Variants in ATAD2 observed in about 807,000 individuals in gnomAD.
ATAD2 encodes ATPase family AAA domain-containing protein 2.
Under a neutral mutation model 168.9 loss-of-function variants are expected in ATAD2, and 62 were observed. The observed-to-expected ratio is 0.37, with a 90% CI of 0.30 to 0.45. ATAD2 has a LOEUF of 0.45. ATAD2 is among the 20% of genes least tolerant of loss of function. The pLI is 1.00. For synonymous variants in ATAD2, 613 were observed against 571.6 expected (o/e 1.07, Z -1.03); for missense variants, 1,419 against 1,667.8 (o/e 0.85, Z 2.60).
rs187259919 is a variant in ATAD2, at chr8:123,376,177, G to A, written c.321-3491C>T. Among the ~76,000 whole-genome samples the A allele has an allele frequency of 5.3e-5, 8 of 151,294 alleles. No individual in the cohort carries two copies. In the South Asian group the frequency reaches 6.3e-4, roughly 12 times the overall value. The stretch of plus-strand genomic sequence containing the variant: ...TCCCAACACTTTGGGAGGCCTAGAC[G>A]GGCAGATTGCCTGAGGTCAGGAGTT... On this transcript the variant is annotated intron_variant, in intron 2 of 27. Transcript: ENST00000287394.
At chr8:123,327,487 G>T (rs1586854535) in intron 25 of ATAD2, among the ~76,000 whole-genome samples, 1 of 151,688 alleles carries the variant, frequency 6.6e-6, no homozygotes, top group East Asian at 1.9e-4. Flanking sequence ...CTTGCAAAAG[G>T]CTTGCATTCA....
intron 8 of ATAD2, among the ~76,000 whole-genome samples, chr8:123,362,944 T>C (rs1332911331): frequency 6.6e-6 from 1 of 152,126 alleles, no homozygotes; most frequent in African/African-American, 2.4e-5. Context: ...TACTATCAAA[T>C]ACTTAGGCTG....
chr8:123,333,788 C>T, intron 24 of ATAD2, 90 bp downstream of exon 24: 1 of 1,363,748 alleles, frequency 7.3e-7, no homozygotes, highest in Non-Finnish European at 9.8e-7. Flanking sequence ...ACTGCATTAA[C>T]ACAAATAAAG....
At chr8:123,415,190 G>A (rs1285276239) in intron 1 of ATAD2, among the ~76,000 whole-genome samples, 1 of 152,084 alleles carries the variant, frequency 6.6e-6, no homozygotes, top group Non-Finnish European at 1.5e-5. Flanking sequence ...CAAAATTATT[G>A]GCTGATAATT....
rs80275261 is a variant in ATAD2 at position 123,336,316 on chromosome 8, C to G, written c.3211+57G>C. 9.2e-4 allele frequency: 1,341 copies of G among 1,465,054 alleles called. 11 individuals carry two copies. In the African/African-American group the frequency reaches 0.018, roughly 19 times the overall value. The allele number at this position is 1,465,054 out of a possible 1,614,324, so 90.8% of individuals were successfully genotyped here. Reference sequence around the variant, plus strand: ...ATAGCACCTGACACAAAAATCAACCCTAAGTGTTAGCTGCCCCCCAACTCA... The same window carrying G: ...ATAGCACCTGACACAAAAATCAACCGTAAGTGTTAGCTGCCCCCCAACTCA... On this transcript the variant is annotated intron_variant, in intron 22 of 27. Transcript: ENST00000287394.
intron 1 of ATAD2, chr8:123,401,456 C>A: frequency 6.7e-7 from 1 of 1,485,042 alleles, no homozygotes; most frequent in Non-Finnish European, 9.4e-7. Context: ...AGAAGTACTC[C>A]CACCTCCAGG....
intron 13 of ATAD2, among the ~76,000 whole-genome samples, chr8:123,351,835 C>T (rs528784707): frequency 5.9e-5 from 9 of 151,748 alleles, no homozygotes; most frequent in African/African-American, 2.4e-5. Context: ...GCAAGCTCCG[C>T]CTCCCGGGTT....
At chr8:123,343,478 A>G (rs921322248) in intron 19 of ATAD2, among the ~76,000 whole-genome samples, 9 of 152,188 alleles carry the variant, frequency 5.9e-5, no homozygotes, top group African/African-American at 9.6e-5. Flanking sequence ...ATTCACTGTT[A>G]TATCTCCAGT....
chr8:123,329,981 C>CTTTTTTTTTTTTTTTTTTTTT (rs71310666), intron 24 of ATAD2, among the ~76,000 whole-genome samples: 2 of 100,342 alleles, frequency 2.0e-5, no homozygotes, highest in African/African-American at 7.2e-5. Context: ...CCAGTGGCTT[C>CTTTTTTTTTTTTTTTTTTTTT]TTTTTTTTTT....
chr8:123,389,272 G>C (rs369123294), intron 1 of ATAD2, among the ~76,000 whole-genome samples: 1 of 146,432 alleles, frequency 6.8e-6, no homozygotes, highest in South Asian at 2.3e-4. Flanking sequence ...CACCGTGCCC[G>C]GCCTGTGCTT....
intron 13 of ATAD2, among the ~76,000 whole-genome samples, chr8:123,349,709 G>A (rs575898336): frequency 2.9e-4 from 44 of 151,728 alleles, no homozygotes; most frequent in Non-Finnish European, 4.6e-4. Context: ...ATTTCACAAA[G>A]GAACTTAAGA....
In ATAD2 at chr8:123,402,157, C is replaced by G. The variant is rs921175493; in HGVS notation, c.-2281-982G>C. 4.1e-5 allele frequency: 29 copies of G among 706,318 alleles called. No individual in the cohort carries two copies. The highest frequency in any genetic ancestry group is 6.7e-5 in the Non-Finnish European group (26 of 390,046). 43.8% of individuals were successfully genotyped at this position (706,318 alleles called of 1,614,324 possible). A position where few individuals can be genotyped will look rare whatever the true frequency, so the allele number is the denominator to read the frequency against. The stretch of plus-strand genomic sequence containing the variant: ...GGAGGGGGCACCCCCCAGTGTCCAC[C>G]TTCGGGCATAGCCTCCCTCCATCAC... On this transcript the variant is annotated intron_variant, in intron 1 of 28. Transcript: ENST00000521903. This position sits in a 1 kb window ranked among gnomAD's most constrained non-coding sequence, Gnocchi z 4.8.
chr8:123,369,201 ATT>A, intron 7 of ATAD2, 26 bp from the exon 8 acceptor site: 3 of 811,862 alleles, frequency 3.7e-6, no homozygotes, highest in Non-Finnish European at 3.3e-6. Context: ...ATATATATAT[ATT>A]TGTATATATA....
chr8:123,341,987 G>A (rs2131311794), intron 19 of ATAD2, among the ~76,000 whole-genome samples: 1 of 152,302 alleles, frequency 6.6e-6, no homozygotes, highest in African/African-American at 2.4e-5. Flanking sequence ...TCGGGAGGCT[G>A]AGGCAGGATA....
intron 1 of ATAD2, among the ~76,000 whole-genome samples, chr8:123,412,128 G>A (rs1813167695): frequency 6.6e-6 from 1 of 152,154 alleles, no homozygotes; most frequent in Non-Finnish European, 1.5e-5. Context: ...CTTCAGCCAC[G>A]CGAACTAGGG....
rs1237773606 is a variant in ATAD2 at position 123,369,926 on chromosome 8, CA to C, written c.825del (p.Asp275GlufsTer74). Reference protein sequence around the residue: ...DDDDDDDDDDDDDEDDEDEED... With the variant: ...DDDDDDDDDDXDDEDDEDEED... ...TCTTCATCTTCATCATCTTCATCAT[CA>C]TCATCATCATCATCATCGTCATCAT... On this transcript the variant is annotated frameshift_variant, in exon 7 of 28. Transcript: ENST00000287394. LOFTEE classifies it high-confidence loss of function. The C allele has an allele frequency of 6.4e-7, 1 of 1,566,300 alleles. No homozygotes were observed. The highest frequency in any genetic ancestry group is 1.1e-5 in the South Asian group (1 of 89,840).
chr8:123,356,947 T>C (rs1031797582), intron 12 of ATAD2, among the ~76,000 whole-genome samples: 1 of 152,164 alleles, frequency 6.6e-6, no homozygotes, highest in African/African-American at 2.4e-5. Flanking sequence ...AGATTTCACA[T>C]AGCTATCGTT....
intron 1 of ATAD2, chr8:123,401,756 C>T (rs1813006476): frequency 1.3e-6 from 1 of 747,124 alleles, no homozygotes; most frequent in Admixed American, 1.8e-5. Context: ...CTCGGAGGCC[C>T]CCAGCGAATA....
intron 16 of ATAD2, 148 bp downstream of exon 16, chr8:123,346,944 G>A (rs1586870376): frequency 4.6e-6 from 5 of 1,078,502 alleles, no homozygotes; most frequent in Non-Finnish European, 6.5e-6. Context: ...GCAATCCATG[G>A]AGTAAATTTC....
Sources: gnomAD v4.1 joint callset for allele counts (sites outside exome capture counted in the v4.1 genomes callset) on GRCh38, gnomAD v4.1.1 for gene constraint, Gnocchi (gnomAD v3.1) non-coding constraint, MANE v1.5 for transcripts, NCBI Gene and HGNC (gene_info 2026-07-23, HGNC 2026-07-21) for gene names.